Variants in SLC25A31 observed in about 807,000 individuals in gnomAD.
SLC25A31 encodes the protein solute carrier family 25 member 31.
Under a neutral mutation model 36.2 loss-of-function variants are expected in SLC25A31, and 40 were observed. That is an observed-to-expected ratio of 1.10 (90% CI 0.86 to 1.44). The LOEUF (loss-of-function observed/expected upper bound fraction) is 1.44. SLC25A31 is among the 40% of genes most tolerant of loss of function. The probability of loss-of-function intolerance (pLI) is 0.00; values close to 1 mark genes in which losing one functional copy is unlikely to be tolerated. For synonymous variants in SLC25A31, 143 were observed against 149.7 expected, an observed-to-expected ratio of 0.96 and a Z score of 0.32; for missense variants, 350 against 397.1, an observed-to-expected ratio of 0.88 and a Z score of 1.01.
intron 5 of SLC25A31, among the ~76,000 whole-genome samples, chr4:127,769,708 A>G (rs1732314867): frequency 6.6e-6 from 1 of 152,198 alleles, no homozygotes; most frequent in Admixed American, 6.5e-5. Context: ...TTAAATACAA[A>G]TGTGTGTAGG....
chr4:127,734,680 AC>A (rs1731591371), intron 1 of SLC25A31, among the ~76,000 whole-genome samples: 1 of 151,808 alleles, frequency 6.6e-6, no homozygotes, highest in Admixed American at 6.6e-5. Context: ...CTTTTCCCAA[AC>A]CCATTTTTCT....
intron 1 of SLC25A31, among the ~76,000 whole-genome samples, chr4:127,732,475 C>T (rs1731545254): frequency 6.6e-6 from 1 of 152,134 alleles, no homozygotes; most frequent in Non-Finnish European, 1.5e-5. Flanking sequence ...GTCTCTTCTT[C>T]GTTTATATTC....
Position 127,744,787 on chromosome 4 carries a change from TAAAG to T in SLC25A31, c.352_355del (p.Glu118AsnfsTer24). On this transcript the variant is annotated frameshift_variant, in exon 2 of 6. Transcript: ENST00000281154. LOFTEE classifies it high-confidence loss of function. ...AGCAGCTATTCATGTCTGGAGTTAATAAAGAAAAACAGGTAATTATATTTTTTTT... is the reference window on the plus strand; with the variant it reads ...AGCAGCTATTCATGTCTGGAGTTAATAAAAACAGGTAATTATATTTTTTTT... The T allele has an allele frequency of 6.6e-7, 1 of 1,526,286 alleles. No homozygotes were observed. The highest frequency in any genetic ancestry group is 8.8e-7 in the Non-Finnish European group (1 of 1,130,488). 94.5% of individuals were successfully genotyped at this position (1,526,286 alleles called of 1,614,324 possible).
chr4:127,745,568 T>A (rs1282935248), intron 2 of SLC25A31, among the ~76,000 whole-genome samples: 1 of 152,182 alleles, frequency 6.6e-6, no homozygotes, highest in African/African-American at 2.4e-5. Context: ...AGGAGGTTTC[T>A]TAAAAGCAAG....
At chr4:127,762,640 C>A (rs193076055) in intron 2 of SLC25A31, among the ~76,000 whole-genome samples, 1 of 152,012 alleles carries the variant, frequency 6.6e-6, no homozygotes, top group Non-Finnish European at 1.5e-5. Context: ...TAGTCTGGGC[C>A]GGGCGCAGTG....
intron 2 of SLC25A31, among the ~76,000 whole-genome samples, chr4:127,747,341 A>G (rs920838350): frequency 6.6e-6 from 1 of 152,098 alleles, no homozygotes; most frequent in African/African-American, 2.4e-5. Flanking sequence ...TGAATCTGTA[A>G]ATTGCTTTGG....
In SLC25A31 at chr4:127,770,679, G is replaced by A. The variant is rs2148766426; in HGVS notation, c.759+1802G>A. On this transcript the variant is annotated intron_variant, in intron 5 of 5. Coordinates refer to ENST00000281154, the MANE Select transcript of SLC25A31 (RefSeq NM_031291.4). ...TCGAGTGTTTAAGGATAAACGGCATGATGTCTGCAACCTAATCTCACAACA... is the reference window on the plus strand; with the variant it reads ...TCGAGTGTTTAAGGATAAACGGCATAATGTCTGCAACCTAATCTCACAACA... Among the ~76,000 whole-genome samples the A allele has an allele frequency of 3.9e-5, 6 of 151,960 alleles. No homozygotes were observed. In the Middle Eastern group the frequency reaches 0.02, roughly 517 times the overall value.
At chr4:127,737,094 G>A (rs1731646850) in intron 1 of SLC25A31, among the ~76,000 whole-genome samples, 1 of 152,188 alleles carries the variant, frequency 6.6e-6, no homozygotes, top group South Asian at 2.1e-4. Flanking sequence ...TACAGCAGAG[G>A]CAAAGAAGGA....
At position 127,744,769 on chromosome 4, in the gene SLC25A31, A is replaced by T. The variant is rs1362718828; in HGVS notation, c.330A>T (p.Leu110=). 3 of 1,585,062 alleles carry T rather than the reference A, an allele frequency of 1.9e-6. No homozygotes were observed. Among genetic ancestry groups the T allele is most frequent in the Non-Finnish European group, 2.6e-6 (3 of 1,160,414 alleles). ...CTTTTAAGGACAAATACAAGCAGCT[A>T]TTCATGTCTGGAGTTAATAAAGAAA... is the stretch of plus-strand genomic sequence containing the variant. ...NFAFKDKYKQ[L]FMSGVNKEKQ... The change falls in exon 2 of 6, where the codon CTA becomes CTT. Residue 110 remains leucine, a synonymous_variant. Coordinates refer to ENST00000281154, the MANE Select transcript of SLC25A31 (RefSeq NM_031291.4).
chr4:127,750,013 G>C (rs1340099931), intron 2 of SLC25A31, among the ~76,000 whole-genome samples: 4 of 152,040 alleles, frequency 2.6e-5, no homozygotes. Context: ...TGCAAGCCAG[G>C]AGTATTGGCA....
intron 1 of SLC25A31, among the ~76,000 whole-genome samples, chr4:127,741,751 G>C (rs899140428): frequency 1.3e-5 from 2 of 152,038 alleles, no homozygotes; most frequent in Non-Finnish European, 2.9e-5. Flanking sequence ...GTAGAATTCA[G>C]CTGTGAAATC....
chr4:127,735,892 A>ATT (rs869204653), intron 1 of SLC25A31, among the ~76,000 whole-genome samples: 13 of 38,680 alleles, frequency 3.4e-4, no homozygotes, highest in East Asian at 7.3e-4. Context: ...TTATTTATTT[A>ATT]TTTATTTTTT....
chr4:127,766,089 C>T lies in SLC25A31; in HGVS notation c.479-977C>T, dbSNP rs144374294. On this transcript the variant is annotated intron_variant, in intron 3 of 5. Coordinates refer to ENST00000281154, the MANE Select transcript of SLC25A31 (RefSeq NM_031291.4). The stretch of plus-strand genomic sequence containing the variant: ...CATATGAAATGTTAACTATCTTAAA[C>T]TATCCTTACTAGTTTTTAGCTTTAT... Among the ~76,000 whole-genome samples the T allele has an allele frequency of 5.2e-3, 784 of 151,888 alleles. 8 individuals carry two copies. Among genetic ancestry groups the T allele is most frequent in the African/African-American group, 0.018 (742 of 41,446 alleles).
At chr4:127,757,977 A>G (rs1406327328) in intron 2 of SLC25A31, among the ~76,000 whole-genome samples, 12 of 152,182 alleles carry the variant, frequency 7.9e-5, no homozygotes, top group Admixed American at 7.9e-4. Flanking sequence ...GGGAGGCCTC[A>G]GAATCGTGGT....
intron 1 of SLC25A31, 145 bp downstream of exon 1, chr4:127,730,922 G>C (rs1429539366): frequency 7.2e-6 from 6 of 836,398 alleles, no homozygotes; most frequent in Non-Finnish European, 1.1e-5. Flanking sequence ...TACCCTTCCA[G>C]AATTTAGTTT....
At chr4:127,773,240 C>A in intron 5 of SLC25A31, 146 bp from the exon 6 acceptor site, 1 of 592,124 alleles carries the variant, frequency 1.7e-6, no homozygotes, top group Non-Finnish European at 2.7e-6. Context: ...TGTTCTCTAA[C>A]CACCAGGGAC....
At chr4:127,735,921 G>A (rs1292648550) in intron 1 of SLC25A31, among the ~76,000 whole-genome samples, 1 of 127,400 alleles carries the variant, frequency 7.8e-6, no homozygotes, top group African/African-American at 2.9e-5. Context: ...ACGGAGTCTC[G>A]CTCTGTCGCC....
At position 127,733,612 on chromosome 4, in the gene SLC25A31, T is replaced by G. The variant is rs540648661; in HGVS notation, c.232+2835T>G. On this transcript the variant is annotated intron_variant, in intron 1 of 5. Transcript: ENST00000281154. ...TATAAGTAGAGGCAAGCTTGACTATTATATTTTTGGTATGGTCATGACCTA... is the reference window on the plus strand; with the variant it reads ...TATAAGTAGAGGCAAGCTTGACTATGATATTTTTGGTATGGTCATGACCTA... Among the ~76,000 whole-genome samples the G allele has an allele frequency of 5.3e-5, 8 of 152,346 alleles. No individual in the cohort carries two copies. The South Asian group carries it at 1.4e-3, about 28-fold the overall frequency.
At chr4:127,766,963 A>T (rs1017579547) in intron 3 of SLC25A31, 103 bp from the exon 4 acceptor site, 3 of 987,372 alleles carry the variant, frequency 3.0e-6, no homozygotes, top group Non-Finnish European at 4.2e-6. Context: ...TTAGATTTGT[A>T]AGTGGGAATT....
Sources: gnomAD v4.1 joint callset for allele counts (sites outside exome capture counted in the v4.1 genomes callset) on GRCh38, gnomAD v4.1.1 for gene constraint, MANE v1.5 for transcripts, NCBI Gene and HGNC (gene_info 2026-07-23, HGNC 2026-07-21) for gene names.